Variants in TRPM6 observed in about 807,000 individuals in gnomAD.
TRPM6 encodes the protein channel kinase 2.
In TRPM6, 111 loss-of-function variants were observed where a neutral mutation model predicts 247.6. That is an observed-to-expected ratio of 0.45 (90% CI 0.38 to 0.52). TRPM6 has a LOEUF of 0.52. Among genes scored for constraint, TRPM6 ranks in the 20% least tolerant of loss-of-function variants. TRPM6 has a pLI of 0.00. For missense variants in TRPM6, 2,126 were observed against 2,421.5 expected (o/e 0.88, Z 2.56); for synonymous variants, 892 against 853.8 (o/e 1.04, Z -0.78).
intron 6 of TRPM6, 77 bp from the exon 7 acceptor site, chr9:74,828,026 T>C: frequency 6.9e-7 from 1 of 1,458,638 alleles, no homozygotes. Context: ...AGGCCTATCT[T>C]TATGTGCTAA....
chr9:74,743,949 G>T, intron 32 of TRPM6, 146 bp downstream of exon 32: 1 of 795,934 alleles, frequency 1.3e-6, no homozygotes, highest in Non-Finnish European at 2.1e-6. Context: ...GTTAGAAATT[G>T]GAATGTTCTT....
At chr9:74,761,851 T>G (rs748499593) in intron 26 of TRPM6, 43 bp from the exon 27 acceptor site, 4 of 1,522,482 alleles carry the variant, frequency 2.6e-6, no homozygotes, top group Non-Finnish European at 3.6e-6. Context: ...CAACAGTAAG[T>G]GGGGAACATT....
chr9:74,778,709 T>C (rs1827311956), intron 23 of TRPM6, among the ~76,000 whole-genome samples: 1 of 152,140 alleles, frequency 6.6e-6, no homozygotes, highest in Admixed American at 6.5e-5. Flanking sequence ...GCTCCCAGAC[T>C]TGGCTCCCAC....
intron 1 of TRPM6, among the ~76,000 whole-genome samples, chr9:74,862,822 A>G (rs1052574095): frequency 6.6e-5 from 10 of 151,888 alleles, no homozygotes; most frequent in African/African-American, 2.4e-4. Context: ...TCTCTACTAA[A>G]GATACAAAAA....
rs374592590 is a variant in TRPM6 at position 74,878,658 on chromosome 9, G to A, written c.33+9166C>T. Among the ~76,000 whole-genome samples, 8 of 152,258 alleles carry A rather than the reference G, an allele frequency of 5.3e-5. No individual in the cohort carries two copies. In the South Asian group the frequency reaches 1.0e-3, roughly 20 times the overall value. ...CCCGTGCAAGCAAATTCAAAAGATT[G>A]GAAGAAGCAATGGTTATGCCACATG... is the stretch of plus-strand genomic sequence containing the variant. On this transcript the variant is annotated intron_variant, in intron 1 of 38. Coordinates refer to ENST00000360774, the MANE Select transcript of TRPM6 (RefSeq NM_017662.5).
intron 13 of TRPM6, among the ~76,000 whole-genome samples, chr9:74,808,480 C>T (rs562614957): frequency 6.6e-6 from 1 of 152,104 alleles, no homozygotes; most frequent in East Asian, 1.9e-4. Context: ...TATACACACA[C>T]GTTTGAGTAA....
At position 74,858,766 on chromosome 9, in the gene TRPM6, T is replaced by C; in HGVS notation, c.34-18A>G. On this transcript the variant is annotated intron_variant, in intron 1 of 38. Transcript: ENST00000360774. ...TTCTGGGACTAAAAAGAAAGTGTCA[T>C]TATTTTATACTCTAATTATGTGACA... The C allele has an allele frequency of 6.3e-7, 1 of 1,577,318 alleles. No individual in the cohort carries two copies. Among genetic ancestry groups the C allele is most frequent in the Non-Finnish European group, 8.7e-7 (1 of 1,147,256 alleles).
Position 74,840,025 on chromosome 9 carries a change from T to G in TRPM6, c.543A>C (p.Thr181=). ...GAWIITEGIN[T]GVSKHVGDAL... ...AGAAATGGAGGGAGGGAGCTTTACC[T>G]GTATTGATGCCTTCAGTTATTATCC... is the stretch of plus-strand genomic sequence containing the variant. Residue 181 remains threonine (T), a splice_region_variant and synonymous_variant, in exon 5 of 39, where the codon ACA becomes ACC. Transcript: ENST00000360774. The G allele has an allele frequency of 6.2e-7, 1 of 1,611,928 alleles. No homozygotes were observed. Among genetic ancestry groups the G allele is most frequent in the Non-Finnish European group, 8.5e-7 (1 of 1,178,066 alleles).
intron 7 of TRPM6, among the ~76,000 whole-genome samples, chr9:74,824,583 A>G (rs1214149551): frequency 6.6e-6 from 1 of 151,636 alleles, no homozygotes; most frequent in Admixed American, 6.6e-5. Context: ...GTTTAAAAAG[A>G]AAAAAATGTA....
intron 11 of TRPM6, among the ~76,000 whole-genome samples, 166 bp from the exon 12 acceptor site, chr9:74,812,599 G>C (rs1233753021): frequency 6.6e-6 from 1 of 150,976 alleles, no homozygotes; most frequent in African/African-American, 2.4e-5. Context: ...TTTAAATACA[G>C]TCTTACTAGG....
chr9:74,804,472 T>C (rs1828461676), intron 14 of TRPM6: 8 of 645,074 alleles, frequency 1.2e-5, no homozygotes, highest in Non-Finnish European at 2.2e-5. Flanking sequence ...ATAAAAACCA[T>C]AAGCTTGCCT....
intron 27 of TRPM6, among the ~76,000 whole-genome samples, chr9:74,756,443 G>A (rs149498529): frequency 1.9e-4 from 29 of 151,972 alleles, no homozygotes; most frequent in African/African-American, 6.0e-4. Flanking sequence ...ACTTCCAAAC[G>A]AAATATAAAA....
At chr9:74,876,911 C>T (rs779655443) in intron 1 of TRPM6, among the ~76,000 whole-genome samples, 1 of 152,118 alleles carries the variant, frequency 6.6e-6, no homozygotes, top group Non-Finnish European at 1.5e-5. Flanking sequence ...ATCTGAAGCA[C>T]TGGATCAAAA....
At chr9:74,760,840 G>C (rs1048322362) in intron 27 of TRPM6, among the ~76,000 whole-genome samples, 3 of 152,184 alleles carry the variant, frequency 2.0e-5, no homozygotes, top group African/African-American at 7.2e-5. Context: ...TCGTTCATGA[G>C]TTAATGGACT....
At chr9:74,784,601 T>C (rs916410873) in intron 21 of TRPM6, among the ~76,000 whole-genome samples, 3 of 152,126 alleles carry the variant, frequency 2.0e-5, no homozygotes, top group South Asian at 2.1e-4. Context: ...GAAAATATCA[T>C]TGGTGGTAGC....
chr9:74,729,313 C>T (rs1346940554), intron 37 of TRPM6, among the ~76,000 whole-genome samples: 7 of 152,178 alleles, frequency 4.6e-5, no homozygotes, highest in African/African-American at 7.2e-5. Flanking sequence ...CTAAGGAATG[C>T]GGTTTTTCAA....
In TRPM6 at chr9:74,738,389, T is replaced by C. The variant is rs1394945957; in HGVS notation, c.5776+18A>G. ...TTTGCCTCATGCTTGTTGTATCAAATCCTACATCATCAATCACCTTGCAAA... is the reference window on the plus strand; with the variant it reads ...TTTGCCTCATGCTTGTTGTATCAAACCCTACATCATCAATCACCTTGCAAA... On this transcript the variant is annotated intron_variant, in intron 36 of 38. Transcript: ENST00000360774. The C allele has an allele frequency of 6.2e-7, 1 of 1,613,082 alleles. No homozygotes were observed.
intron 5 of TRPM6, among the ~76,000 whole-genome samples, chr9:74,838,184 T>C (rs757470118): frequency 1.3e-5 from 2 of 152,224 alleles, no homozygotes; most frequent in Non-Finnish European, 2.9e-5. Context: ...ATGATCTTTT[T>C]AAGGCATTAA....
chr9:74,768,292 G>T (rs1369340320), intron 25 of TRPM6, among the ~76,000 whole-genome samples: 1 of 152,112 alleles, frequency 6.6e-6, no homozygotes, highest in South Asian at 2.1e-4. Context: ...CAGCTCACTA[G>T]GTTCCCTCAC....
Sources: gnomAD v4.1 joint callset for allele counts (sites outside exome capture counted in the v4.1 genomes callset) on GRCh38, gnomAD v4.1.1 for gene constraint, MANE v1.5 for transcripts, NCBI Gene and HGNC (gene_info 2026-07-23, HGNC 2026-07-21) for gene names.